The following FAM220A variants were observed in gnomAD, a reference collection of about 807,000 sequenced individuals.
The protein encoded by FAM220A is protein FAM220A.
For synonymous variants in FAM220A, 141 were observed against 130.7 expected, an observed-to-expected ratio of 1.08 and a Z score of -0.54; for missense variants, 392 against 321.6, an observed-to-expected ratio of 1.22 and a Z score of -1.68.
chr7:6,334,774 T>TA, intron 1 of FAM220A, among the ~76,000 whole-genome samples: 1 of 145,184 alleles, frequency 6.9e-6, no homozygotes, highest in East Asian at 2.1e-4. Flanking sequence ...CCTGGATAGT[T>TA]AGTTAGTTAT....
At chr7:6,346,534 C>T (rs527293093) in intron 1 of FAM220A, among the ~76,000 whole-genome samples, 17 of 152,118 alleles carry the variant, frequency 1.1e-4, no homozygotes, top group Non-Finnish European at 2.2e-4. Context: ...TGCCCGGCCA[C>T]CACGCCCAGC....
At chr7:6,339,077 G>A (rs1360885533) in intron 1 of FAM220A, among the ~76,000 whole-genome samples, 1 of 152,166 alleles carries the variant, frequency 6.6e-6, no homozygotes, top group African/African-American at 2.4e-5. Flanking sequence ...AGGAGAAACA[G>A]CAATGACCAC....
chr7:6,333,907 C>T (rs1408663757), intron 1 of FAM220A, among the ~76,000 whole-genome samples: 7 of 138,342 alleles, frequency 5.1e-5, no homozygotes, highest in East Asian at 2.2e-4. Context: ...AGTGCAGTGG[C>T]GCCATCTCAG....
chr7:6,345,517 G>C (rs576056440), intron 1 of FAM220A, among the ~76,000 whole-genome samples: 1 of 152,152 alleles, frequency 6.6e-6, no homozygotes, highest in Non-Finnish European at 1.5e-5. Flanking sequence ...AGACTAGAGA[G>C]GTGGTTATAA....
chr7:6,331,138 C>T lies in FAM220A; in HGVS notation c.17G>A (p.Gly6Glu), dbSNP rs765090907. The T allele has an allele frequency of 1.9e-6, 3 of 1,612,336 alleles. No homozygotes were observed. Among genetic ancestry groups the T allele is most frequent in the Non-Finnish European group, 2.5e-6 (3 of 1,179,446 alleles). Residue 6 changes from glycine (G) to glutamate (E), a missense_variant, in exon 2 of 2, where the codon GGG becomes GAG. Gly to Glu is a moderately conservative substitution (Grantham distance 98). Transcript: ENST00000313324. The stretch of plus-strand genomic sequence containing the variant: ...TTGTGCCAGGCAGGTGCCGAGGGGC[C>T]CTCTTCTGTCCCTCATGCTTCGTGT... The part of the protein sequence containing the change: MRDRR[G>E]PLGTCLAQVQ...
intron 1 of FAM220A, among the ~76,000 whole-genome samples, chr7:6,333,112 C>A (rs1434220785): frequency 1.3e-5 from 2 of 148,886 alleles, no homozygotes; most frequent in African/African-American, 2.5e-5. Context: ...AGCCGAGATC[C>A]CACCACTGCA....
rs1253465882 is a variant in FAM220A, at chr7:6,329,880, G to A, written c.*495C>T. On this transcript the variant is annotated 3_prime_UTR_variant, in exon 2 of 2. Coordinates refer to ENST00000313324, the MANE Select transcript of FAM220A (RefSeq NM_001037163.2). Reference sequence around the variant, plus strand: ...GTGGAAGGAAAGGGGTATGAGAAGTGAAATCGAATTTTGCTGCAGACCAAA... The same window carrying A: ...GTGGAAGGAAAGGGGTATGAGAAGTAAAATCGAATTTTGCTGCAGACCAAA... 1.8e-5 allele frequency: 3 copies of A among 169,772 alleles called. No homozygotes were observed. The highest frequency in any genetic ancestry group is 7.2e-5 in the African/African-American group (3 of 41,458). 10.5% of individuals were successfully genotyped at this position (169,772 alleles called of 1,614,324 possible).
At chr7:6,334,265 G>A (rs1299984622) in intron 1 of FAM220A, among the ~76,000 whole-genome samples, 1 of 151,482 alleles carries the variant, frequency 6.6e-6, no homozygotes, top group Non-Finnish European at 1.5e-5. Flanking sequence ...GCTGGGCGCA[G>A]TGGCTCACGC....
intron 1 of FAM220A, among the ~76,000 whole-genome samples, chr7:6,335,324 G>C (rs1781723321): frequency 6.6e-6 from 1 of 151,728 alleles, no homozygotes; most frequent in African/African-American, 2.4e-5. Context: ...CTGGGTTCAA[G>C]TGATTCTCCT....
At chr7:6,344,526 G>A (rs890126634) in intron 1 of FAM220A, among the ~76,000 whole-genome samples, 2 of 151,738 alleles carry the variant, frequency 1.3e-5, no homozygotes, top group Non-Finnish European at 2.9e-5. Context: ...GGCCTCAAGT[G>A]ATCCACCTCA....
intron 1 of FAM220A, among the ~76,000 whole-genome samples, chr7:6,347,739 T>C (rs1166206370): frequency 2.6e-5 from 4 of 151,862 alleles, no homozygotes; most frequent in Admixed American, 2.6e-4. Context: ...TCCAATCCAT[T>C]TTTAGCTTCA....
intron 1 of FAM220A, among the ~76,000 whole-genome samples, chr7:6,340,569 G>A (rs1234070516): frequency 1.3e-5 from 2 of 152,014 alleles, no homozygotes; most frequent in African/African-American, 2.4e-5. Context: ...AGGGAATTCA[G>A]GATAACAGAC....
intron 1 of FAM220A, among the ~76,000 whole-genome samples, chr7:6,331,943 G>C (rs566959865): frequency 1.3e-5 from 2 of 151,286 alleles, no homozygotes; most frequent in African/African-American, 2.4e-5. Context: ...ATGAGGGTTC[G>C]CCATGTTGGC....
chr7:6,348,420 TG>T (rs1472855815), intron 1 of FAM220A, among the ~76,000 whole-genome samples, 152 bp downstream of exon 1: 5 of 152,072 alleles, frequency 3.3e-5, no homozygotes, highest in Admixed American at 1.3e-4. Context: ...ACCACCTCAG[TG>T]GATCTCCCCA....
chr7:6,333,556 T>C (rs1329391370), intron 1 of FAM220A, among the ~76,000 whole-genome samples: 2 of 152,136 alleles, frequency 1.3e-5, no homozygotes, highest in East Asian at 3.9e-4. Context: ...TGGAGGACAA[T>C]GGCGTGATCA....
At chr7:6,338,005 T>C (rs569721328) in intron 1 of FAM220A, among the ~76,000 whole-genome samples, 7 of 151,832 alleles carry the variant, frequency 4.6e-5, no homozygotes, top group Non-Finnish European at 8.8e-5. Context: ...GGTTTCACCA[T>C]GTTGGCCAGG....
chr7:6,344,151 A>C (rs916806200), intron 1 of FAM220A, among the ~76,000 whole-genome samples: 1 of 151,820 alleles, frequency 6.6e-6, no homozygotes, highest in East Asian at 1.9e-4. Context: ...AGAACAAGAA[A>C]AAAAAAAAAA....
At chr7:6,334,068 T>G (rs547693116) in intron 1 of FAM220A, among the ~76,000 whole-genome samples, 2 of 151,120 alleles carry the variant, frequency 1.3e-5, no homozygotes, top group South Asian at 2.1e-4. Context: ...GGATGGAATC[T>G]ATCTCCTGAC....
At chr7:6,345,406 C>A (rs1012066825) in intron 1 of FAM220A, among the ~76,000 whole-genome samples, 1 of 152,148 alleles carries the variant, frequency 6.6e-6, no homozygotes, top group African/African-American at 2.4e-5. Flanking sequence ...TGAGCCACCA[C>A]ACCCAGCCCT....
Sources: gnomAD v4.1 joint callset for allele counts (sites outside exome capture counted in the v4.1 genomes callset) on GRCh38, gnomAD v4.1.1 for gene constraint, MANE v1.5 for transcripts, NCBI Gene and HGNC (gene_info 2026-07-23, HGNC 2026-07-21) for gene names.